PLXNA4: variants seen among roughly 807,000 people sequenced by gnomAD.
The protein encoded by PLXNA4 is plexin-A4.
Under a neutral mutation model 191.8 loss-of-function variants are expected in PLXNA4, and 44 were observed. That is an observed-to-expected ratio of 0.23 (90% confidence interval 0.18 to 0.29). The LOEUF (loss-of-function observed/expected upper bound fraction) is 0.29, where lower values mean the gene tolerates loss of function less well. Among genes scored for constraint, PLXNA4 ranks in the 10% least tolerant of loss-of-function variants. PLXNA4 has a pLI of 1.00. For synonymous variants in PLXNA4, 1,082 were observed against 1,009.5 expected, an observed-to-expected ratio of 1.07 and a Z score of -1.36; for missense variants, 1,800 against 2,488.8, an observed-to-expected ratio of 0.72 and a Z score of 5.89.
intron 2 of PLXNA4, among the ~76,000 whole-genome samples, chr7:132,621,291 C>T (rs1384051239): frequency 5.3e-5 from 7 of 131,290 alleles, no homozygotes; most frequent in African/African-American, 1.8e-4. Flanking sequence ...GATGGAGTCT[C>T]ACTGTCTCGC....
At chr7:132,180,453 C>A in intron 19 of PLXNA4, 133 bp downstream of exon 19, 1 of 1,374,104 alleles carries the variant, frequency 7.3e-7, no homozygotes, top group Non-Finnish European at 9.8e-7. Flanking sequence ...GAAGAAAGAA[C>A]TTGGGGTGTG....
At chr7:132,532,301 C>A (rs916170156) in intron 1 of PLXNA4, among the ~76,000 whole-genome samples, 1 of 152,196 alleles carries the variant, frequency 6.6e-6, no homozygotes, top group Non-Finnish European at 1.5e-5. Context: ...GAATCTAAAA[C>A]CTGACCATGC....
chr7:132,306,814 C>G (rs546683309), intron 3 of PLXNA4, among the ~76,000 whole-genome samples: 4 of 152,236 alleles, frequency 2.6e-5, no homozygotes, highest in Non-Finnish European at 5.9e-5. Context: ...CATCTCAGCT[C>G]AAACACAATC....
chr7:132,507,778 C>G lies in PLXNA4; in HGVS notation c.916G>C (p.Glu306Gln), dbSNP rs1798533707. 6.2e-7 allele frequency: 1 copy of G among 1,613,978 alleles called. No individual in the cohort carries two copies. The highest frequency in any genetic ancestry group is 8.5e-7 in the Non-Finnish European group (1 of 1,180,044). Residue 306 changes from glutamate to glutamine, a missense_variant, in exon 2 of 32, where the codon GAG becomes CAG. By Grantham distance (29) the Glu-to-Gln change is conservative. Transcript: ENST00000321063. ...TAGGCAGCCTGCAGCAGGCGGTACT[C>G]CACCCCACTGCGCTCACAGCCAATG... Reference protein sequence around the residue: ...VPIGCERSGVEYRLLQAAYLS... With the variant: ...VPIGCERSGVQYRLLQAAYLS...
intron 3 of PLXNA4, among the ~76,000 whole-genome samples, chr7:132,332,778 T>A (rs1315994928): frequency 6.6e-6 from 1 of 151,738 alleles, no homozygotes; most frequent in African/African-American, 2.4e-5. Context: ...AAGGATCATT[T>A]GAGCCCAGGA....
chr7:132,208,750 C>T (rs558494947), intron 10 of PLXNA4, among the ~76,000 whole-genome samples: 11 of 152,286 alleles, frequency 7.2e-5, no homozygotes, highest in Admixed American at 2.6e-4. Flanking sequence ...ACAGACTGTG[C>T]GCACACTGGA....
At chr7:132,290,709 GAAAGA>G (rs1171449650) in intron 4 of PLXNA4, among the ~76,000 whole-genome samples, 3 of 152,080 alleles carry the variant, frequency 2.0e-5, no homozygotes, top group African/African-American at 7.2e-5. Flanking sequence ...TCATGCAGAA[GAAAGA>G]AAAGAGACAG....
chr7:132,590,255 G>C (rs1443859656), intron 2 of PLXNA4, among the ~76,000 whole-genome samples: 1 of 152,172 alleles, frequency 6.6e-6, no homozygotes, highest in East Asian at 1.9e-4. Flanking sequence ...GGAAGGTGCC[G>C]ATTAGAAATA....
At chr7:132,297,348 C>A (rs1018798422) in intron 4 of PLXNA4, among the ~76,000 whole-genome samples, 1 of 152,120 alleles carries the variant, frequency 6.6e-6, no homozygotes, top group African/African-American at 2.4e-5. Context: ...GTGGAGGACT[C>A]CAGGAAATAC....
intron 3 of PLXNA4, among the ~76,000 whole-genome samples, chr7:132,361,645 G>C (rs1281609317): frequency 6.6e-6 from 1 of 152,178 alleles, no homozygotes; most frequent in Non-Finnish European, 1.5e-5. Context: ...GTTAGAGCAG[G>C]AACAGGGAGT....
intron 3 of PLXNA4, among the ~76,000 whole-genome samples, chr7:132,436,797 G>T (rs1199946689): frequency 6.6e-6 from 1 of 152,114 alleles, no homozygotes; most frequent in Non-Finnish European, 1.5e-5. Flanking sequence ...AGCTAGGAAT[G>T]ACCTATTAAA....
At chr7:132,613,146 G>A (rs968977314) in intron 2 of PLXNA4, among the ~76,000 whole-genome samples, 3 of 152,188 alleles carry the variant, frequency 2.0e-5, no homozygotes, top group African/African-American at 7.2e-5. Context: ...TTGGACTGCA[G>A]AGAAAATGCC....
chr7:132,173,081 C>T (rs992118775), intron 21 of PLXNA4, among the ~76,000 whole-genome samples: 8 of 152,190 alleles, frequency 5.3e-5, no homozygotes, highest in African/African-American at 1.9e-4. Context: ...AAATAAGGTA[C>T]ATGCACAGTC....
At chr7:132,400,275 C>CT (rs1163046786) in intron 3 of PLXNA4, among the ~76,000 whole-genome samples, 1 of 152,138 alleles carries the variant, frequency 6.6e-6, no homozygotes, top group Non-Finnish European at 1.5e-5. Context: ...AAGGACTCCA[C>CT]TTTCTCTAAG....
chr7:132,176,750 G>A (rs1363667000), intron 20 of PLXNA4, among the ~76,000 whole-genome samples: 1 of 152,032 alleles, frequency 6.6e-6, no homozygotes, highest in African/African-American at 2.4e-5. Flanking sequence ...GAATGTGAGT[G>A]CCTGCGTGGG....
chr7:132,322,184 C>T (rs1402348038), intron 3 of PLXNA4, among the ~76,000 whole-genome samples: 49 of 122,484 alleles, frequency 4.0e-4, no homozygotes, highest in Middle Eastern at 4.3e-3. Flanking sequence ...CCTAAAAGGG[C>T]TTTTTTTTTT....
chr7:132,221,212 A>G (rs921997470), intron 9 of PLXNA4, among the ~76,000 whole-genome samples: 4 of 152,134 alleles, frequency 2.6e-5, no homozygotes, highest in Non-Finnish European at 4.4e-5. Flanking sequence ...CTTAAAAGAA[A>G]GAAATTTGGT....
intron 3 of PLXNA4, among the ~76,000 whole-genome samples, chr7:132,346,465 T>C (rs1242049759): frequency 6.6e-6 from 1 of 152,204 alleles, no homozygotes; most frequent in Non-Finnish European, 1.5e-5. Context: ...CTAATTACAC[T>C]CTTCTCTCTA....
intron 3 of PLXNA4, among the ~76,000 whole-genome samples, chr7:132,414,520 A>G (rs1186375927): frequency 1.3e-5 from 2 of 152,090 alleles, no homozygotes; most frequent in Non-Finnish European, 2.9e-5. Flanking sequence ...GATGGTAGGG[A>G]GGGGAGAAAA....
Sources: allele counts gnomAD v4.1 joint callset (sites outside exome capture counted in the v4.1 genomes callset), GRCh38; gene constraint gnomAD v4.1.1; transcripts MANE v1.5; gene names NCBI Gene and HGNC (gene_info 2026-07-23, HGNC 2026-07-21).